Variants in TMC1 observed in about 807,000 individuals in gnomAD.
TMC1 encodes transmembrane channel-like protein 1.
In TMC1, 84 loss-of-function variants were observed where a neutral mutation model predicts 105.8. The observed-to-expected ratio is 0.79, with a 90% CI of 0.67 to 0.95. The LOEUF is 0.95. TMC1 is among the 40% of genes least tolerant of loss of function. The pLI is 0.00. For missense variants in TMC1, 817 were observed against 914.1 expected, an observed-to-expected ratio of 0.89 and a Z score of 1.37; for synonymous variants, 315 against 311.5, an observed-to-expected ratio of 1.01 and a Z score of -0.12.
intron 2 of TMC1, among the ~76,000 whole-genome samples, chr9:72,579,370 T>A (rs1263372155): frequency 6.6e-6 from 1 of 152,182 alleles, no homozygotes; most frequent in Non-Finnish European, 1.5e-5. Flanking sequence ...CACTTCTATA[T>A]GTCCCTGGGG....
At chr9:72,579,803 C>T (rs1824445986) in intron 2 of TMC1, among the ~76,000 whole-genome samples, 1 of 152,130 alleles carries the variant, frequency 6.6e-6, no homozygotes, top group African/African-American at 2.4e-5. Context: ...GGGTAGATCA[C>T]TTGAGCCCAG....
chr9:72,690,174 A>T (rs1826441507), intron 6 of TMC1, among the ~76,000 whole-genome samples: 1 of 152,056 alleles, frequency 6.6e-6, no homozygotes, highest in Non-Finnish European at 1.5e-5. Context: ...TTATAATTAT[A>T]AAAGTCCTAT....
intron 13 of TMC1, among the ~76,000 whole-genome samples, chr9:72,784,873 AATGGAAGCTAAACATTGAGTACAC>A (rs1486946028): frequency 6.6e-6 from 1 of 152,216 alleles, no homozygotes; most frequent in Non-Finnish European, 1.5e-5. Context: ...CTCACTTGTA[AATGGAAGCTAAACATTGAGTACAC>A]ATGGATGCAA....
At chr9:72,717,424 AT>A (rs896445277) in intron 8 of TMC1, among the ~76,000 whole-genome samples, 8 of 151,520 alleles carry the variant, frequency 5.3e-5, no homozygotes, top group Admixed American at 5.2e-4. Context: ...TGATTTAGAG[AT>A]TCTGTTTTGA....
Position 72,527,010 on chromosome 9 carries a change from A to G in TMC1, c.-428+5097A>G, listed in dbSNP as rs572805157. ...ATGAATCCAGGGTCCTGGGTACCAG[A>G]CGCATGGTCTAGGTAGGGGGTGTCA... On this transcript the variant is annotated intron_variant, in intron 1 of 23. Coordinates refer to ENST00000297784, the MANE Select transcript of TMC1 (RefSeq NM_138691.3). Among the ~76,000 whole-genome samples, 10 of 152,304 alleles carry G rather than the reference A, an allele frequency of 6.6e-5. No homozygotes were observed. In the East Asian group the frequency reaches 1.9e-3, roughly 29 times the overall value.
At chr9:72,647,957 A>T (rs888320137) in intron 4 of TMC1, among the ~76,000 whole-genome samples, 2 of 152,098 alleles carry the variant, frequency 1.3e-5, no homozygotes, top group African/African-American at 4.8e-5. Context: ...CCAATCAAAG[A>T]TCACTACCTT....
intron 5 of TMC1, among the ~76,000 whole-genome samples, chr9:72,659,056 G>A (rs1208673622): frequency 6.6e-6 from 1 of 152,156 alleles, no homozygotes; most frequent in Non-Finnish European, 1.5e-5. Context: ...TGAGTGGAGA[G>A]GAAATATAAA....
intron 18 of TMC1, among the ~76,000 whole-genome samples, chr9:72,807,693 G>A (rs984892729): frequency 3.3e-5 from 5 of 152,154 alleles, no homozygotes; most frequent in Admixed American, 6.5e-5. Context: ...AGATGGGGTG[G>A]ATAAAAGGAT....
chr9:72,742,462 C>T lies in TMC1; in HGVS notation c.472C>T (p.Arg158Cys), dbSNP rs200841002. 1.9e-4 allele frequency: 305 copies of T among 1,613,864 alleles called. No individual in the cohort carries two copies. Among genetic ancestry groups the T allele is most frequent in the Non-Finnish European group, 2.5e-4 (298 of 1,179,930 alleles). The change falls in exon 10 of 24, where the codon CGT (arginine) becomes TGT (cysteine). Residue 158 changes from arginine to cysteine, a missense_variant. Arg to Cys is a radical substitution (Grantham distance 180). Transcript: ENST00000297784. Reference protein sequence around the residue: ...MMAKKWAKFLRDFENFKAACV... With the variant: ...MMAKKWAKFLCDFENFKAACV... The stretch of plus-strand genomic sequence containing the variant: ...TTTTCAGAAATGGGCAAAATTCCTC[C>T]GTGATTTTGAGAACTTCAAAGCTGC...
intron 7 of TMC1, among the ~76,000 whole-genome samples, chr9:72,697,431 T>C (rs1826569201): frequency 6.6e-6 from 1 of 152,094 alleles, no homozygotes; most frequent in Admixed American, 6.6e-5. Context: ...CCCAGAGAAA[T>C]ACAAACAAAG....
In TMC1 at chr9:72,810,740, G is replaced by T. The variant is rs184457874; in HGVS notation, c.1695+5230G>T. 2.4e-3 allele frequency among the ~76,000 whole-genome samples: 362 copies of T among 152,212 alleles called. 2 individuals carry two copies. Among genetic ancestry groups the T allele is most frequent in the African/African-American group, 8.0e-3 (334 of 41,538 alleles). On this transcript the variant is annotated intron_variant, in intron 18 of 23. Coordinates refer to ENST00000297784, the MANE Select transcript of TMC1 (RefSeq NM_138691.3). ...CTTTTAAATGGTTGTATAATATTCTGTATGCAAATGTAGTATAATTAATCT... is the reference window on the plus strand; with the variant it reads ...CTTTTAAATGGTTGTATAATATTCTTTATGCAAATGTAGTATAATTAATCT...
At chr9:72,771,500 C>T (rs1433399002) in intron 12 of TMC1, among the ~76,000 whole-genome samples, 2 of 152,120 alleles carry the variant, frequency 1.3e-5, no homozygotes, top group African/African-American at 2.4e-5. Flanking sequence ...CAAAGGCAAC[C>T]AATTGGGTTT....
At chr9:72,662,741 A>G (rs1043149620) in intron 5 of TMC1, among the ~76,000 whole-genome samples, 18 of 152,216 alleles carry the variant, frequency 1.2e-4, no homozygotes, top group African/African-American at 4.1e-4. Flanking sequence ...TTCTGTAACA[A>G]TATATCTTAG....
At chr9:72,546,382 A>G (rs1299807099) in intron 1 of TMC1, among the ~76,000 whole-genome samples, 1 of 152,246 alleles carries the variant, frequency 6.6e-6, no homozygotes, top group African/African-American at 2.4e-5. Context: ...CCACTGAATG[A>G]TTGAAAACAT....
At chr9:72,579,643 C>T (rs1587971490) in intron 2 of TMC1, among the ~76,000 whole-genome samples, 4 of 152,186 alleles carry the variant, frequency 2.6e-5, no homozygotes, top group African/African-American at 4.8e-5. Flanking sequence ...TGTGAAGTTG[C>T]TACTACGTCC....
intron 15 of TMC1, among the ~76,000 whole-genome samples, 179 bp downstream of exon 15, chr9:72,789,496 G>T (rs909826174): frequency 1.3e-5 from 2 of 152,034 alleles, no homozygotes; most frequent in Admixed American, 6.6e-5. Context: ...TCTAAATCTG[G>T]ACTGTCTGTT....
intron 5 of TMC1, among the ~76,000 whole-genome samples, chr9:72,678,447 A>C (rs1352883396): frequency 6.6e-6 from 1 of 152,110 alleles, no homozygotes; most frequent in Non-Finnish European, 1.5e-5. Flanking sequence ...TTTGAATTCT[A>C]GTTCTGCCAC....
rs559265439 is a variant in TMC1, at chr9:72,753,488, G to A, written c.643-1298G>A. On this transcript the variant is annotated intron_variant, in intron 11 of 23. Transcript: ENST00000297784. ...TGTTGCTGATTTATTTGAATAATAC[G>A]AAATTACAGAATGTCTGCTATGTAG... is the stretch of plus-strand genomic sequence containing the variant. Among the ~76,000 whole-genome samples, 72 of 152,144 alleles carry A rather than the reference G, an allele frequency of 4.7e-4. 1 individual carries two copies. The highest frequency in any genetic ancestry group is 1.7e-3 in the African/African-American group (71 of 41,510).
chr9:72,527,174 G>A (rs908535872), intron 1 of TMC1, among the ~76,000 whole-genome samples: 14 of 152,150 alleles, frequency 9.2e-5, no homozygotes, highest in African/African-American at 3.4e-4. Context: ...CAGTTGCTCA[G>A]GCCTGTGGGT....
Sources: allele counts gnomAD v4.1 joint callset (sites outside exome capture counted in the v4.1 genomes callset), GRCh38; gene constraint gnomAD v4.1.1; transcripts MANE v1.5; gene names NCBI Gene and HGNC (gene_info 2026-07-23, HGNC 2026-07-21).